AMMECR1: variants seen among roughly 807,000 people sequenced by gnomAD.
AMMECR1 encodes the protein nuclear protein AMMECR1.
Under a neutral mutation model 22.5 loss-of-function variants are expected in AMMECR1, and 3 were observed. The ratio of observed to expected loss-of-function variants is 0.13; its 90% CI spans 0.06 to 0.35. The LOEUF (loss-of-function observed/expected upper bound fraction) is 0.35, where lower values mean the gene tolerates loss of function less well. AMMECR1 is among the 10% of genes least tolerant of loss of function. The pLI is 1.00. For synonymous variants in AMMECR1, 130 were observed against 116.7 expected (o/e 1.11, Z -0.74); for missense variants, 235 against 278.7 (o/e 0.84, Z 1.12).
chrX:110,243,687 AT>A, intron 2 of AMMECR1, among the ~76,000 whole-genome samples: 1 of 112,323 alleles, frequency 8.9e-6, no homozygotes, highest in Non-Finnish European at 1.9e-5. Flanking sequence ...CACAAAATGT[AT>A]TTTTGGTTAG....
intron 2 of AMMECR1, among the ~76,000 whole-genome samples, chrX:110,350,013 C>A (rs1474298028): frequency 8.9e-6 from 1 of 112,078 alleles, no homozygotes; most frequent in Admixed American, 9.5e-5. Context: ...TAAATAAAGT[C>A]ATGGCTCAAA....
At chrX:110,414,091 T>A (rs992480013) in intron 2 of AMMECR1, among the ~76,000 whole-genome samples, 2 of 111,855 alleles carry the variant, frequency 1.8e-5, no homozygotes, top group Non-Finnish European at 3.8e-5. Context: ...CCTGTGTCTT[T>A]CTGCTGCATC....
At chrX:110,218,008 A>T (rs2067482614) in intron 2 of AMMECR1, among the ~76,000 whole-genome samples, 1 of 111,565 alleles carries the variant, frequency 9.0e-6, no homozygotes, top group African/African-American at 3.3e-5. Flanking sequence ...AACCAAGAAA[A>T]TCAGGAAATC....
chrX:110,310,097 G>T (rs1226449252), intron 1 of AMMECR1, among the ~76,000 whole-genome samples: 2 of 112,518 alleles, frequency 1.8e-5, no homozygotes, highest in Admixed American at 1.9e-4. Context: ...GTCACAAAGT[G>T]GGGGAGTGAT....
At chrX:110,404,270 T>C (rs2068583491) in intron 2 of AMMECR1, among the ~76,000 whole-genome samples, 1 of 111,765 alleles carries the variant, frequency 8.9e-6, no homozygotes, top group African/African-American at 3.3e-5. Flanking sequence ...CCCTTAATCG[T>C]CTTCATTGCT....
intron 1 of AMMECR1, among the ~76,000 whole-genome samples, chrX:110,272,867 T>A (rs1380825922): frequency 8.9e-6 from 1 of 112,323 alleles, no homozygotes; most frequent in African/African-American, 3.2e-5. Flanking sequence ...CTGCATTGTA[T>A]TTCATGGTGC....
chrX:110,259,538 C>A (rs2067727847), intron 2 of AMMECR1, among the ~76,000 whole-genome samples: 1 of 109,767 alleles, frequency 9.1e-6, no homozygotes, highest in African/African-American at 3.3e-5. Flanking sequence ...AGAAATAGAT[C>A]TGCATTTTGC....
chrX:110,206,272 A>T (rs1480811244), intron 3 of AMMECR1, among the ~76,000 whole-genome samples: 2 of 112,403 alleles, frequency 1.8e-5, no homozygotes, highest in Non-Finnish European at 3.8e-5. Context: ...AATGGCTAAA[A>T]TTAAGCTTTG....
intron 3 of AMMECR1, among the ~76,000 whole-genome samples, chrX:110,212,059 C>T (rs993383222): frequency 8.9e-6 from 1 of 112,111 alleles, no homozygotes; most frequent in African/African-American, 3.2e-5. Context: ...ACATCCCTCA[C>T]ATTATCAAAC....
chrX:110,378,567 C>A (rs1426679190), intron 2 of AMMECR1, among the ~76,000 whole-genome samples: 1 of 112,313 alleles, frequency 8.9e-6, no homozygotes, highest in Non-Finnish European at 1.9e-5. Context: ...TTTCTAGCTT[C>A]TTTCCCATTA....
intron 3 of AMMECR1, among the ~76,000 whole-genome samples, chrX:110,213,764 AG>A (rs981425400): frequency 4.5e-5 from 5 of 111,647 alleles, no homozygotes; most frequent in African/African-American, 1.6e-4. Flanking sequence ...TCAATCACTG[AG>A]TAAGGTACAT....
In AMMECR1 at chrX:110,194,923, T is replaced by C. The variant is rs1312234452; in HGVS notation, c.*3597A>G. 9.0e-6 allele frequency: 1 copy of C among 111,647 alleles called. No individual in the cohort carries two copies. The highest frequency in any genetic ancestry group is 1.9e-5 in the Non-Finnish European group (1 of 53,068). The allele number at this position is 111,647 out of a possible 1,213,427, so 9.2% of individuals were successfully genotyped here. A position where few individuals can be genotyped will look rare whatever the true frequency, so the allele number is the denominator to read the frequency against. ...CACCAGTTTATTTAAATGGAGGAGG[T>C]GCTCACACCCCTCAAATAAACTTAA... On this transcript the variant is annotated 3_prime_UTR_variant, in exon 6 of 6. Coordinates refer to ENST00000262844, the MANE Select transcript of AMMECR1 (RefSeq NM_015365.3).
intron 3 of AMMECR1, among the ~76,000 whole-genome samples, chrX:110,209,866 GC>G (rs767541562): frequency 2.8e-5 from 3 of 106,493 alleles, no homozygotes; most frequent in Non-Finnish European, 5.7e-5. Flanking sequence ...TTAATTAAAT[GC>G]TGGGGACACA....
intron 2 of AMMECR1, among the ~76,000 whole-genome samples, chrX:110,336,036 G>T: frequency 8.9e-6 from 1 of 112,015 alleles, no homozygotes; most frequent in Non-Finnish European, 1.9e-5. Context: ...GTTGGATGAT[G>T]AAGATCAGTA....
At position 110,432,037 on chromosome X, in the gene AMMECR1, A is replaced by C. The variant is rs1188595678; in HGVS notation, c.-293-5234T>G. ...TTGGGGAGGGTTTATGTGTTTATTC[A>C]CCCATTCATTTATTCAACATTTCTT... On this transcript the variant is annotated intron_variant, in intron 1 of 7. Transcript: ENST00000372057. Among the ~76,000 whole-genome samples, 6 of 111,633 alleles carry C rather than the reference A, an allele frequency of 5.4e-5. No homozygotes were observed. In the South Asian group the frequency reaches 2.3e-3, roughly 42 times the overall value.
chrX:110,308,997 A>G (rs939093641), intron 1 of AMMECR1, among the ~76,000 whole-genome samples: 1 of 112,121 alleles, frequency 8.9e-6, no homozygotes, highest in Non-Finnish European at 1.9e-5. Context: ...AAATCAGCAC[A>G]AAGTGTTTGC....
At chrX:110,438,581 G>A (rs991498945) in intron 1 of AMMECR1, among the ~76,000 whole-genome samples, 2 of 111,394 alleles carry the variant, frequency 1.8e-5, no homozygotes, top group African/African-American at 3.3e-5. Context: ...GCAAACAGGC[G>A]GTAGTGAAGT....
intron 3 of AMMECR1, among the ~76,000 whole-genome samples, chrX:110,214,831 T>C (rs1164196507): frequency 1.8e-5 from 2 of 111,183 alleles, no homozygotes; most frequent in Admixed American, 1.9e-4. Context: ...GCTTTTCCCA[T>C]ATAATCACTC....
intron 2 of AMMECR1, among the ~76,000 whole-genome samples, chrX:110,332,481 T>G (rs1175297144): frequency 8.9e-6 from 1 of 112,206 alleles, no homozygotes; most frequent in Non-Finnish European, 1.9e-5. Flanking sequence ...TACTGCTGCT[T>G]ACTGGTGCCA....
Sources: gnomAD v4.1 joint callset for allele counts (sites outside exome capture counted in the v4.1 genomes callset) on GRCh38, gnomAD v4.1.1 for gene constraint, MANE v1.5 for transcripts, NCBI Gene and HGNC (gene_info 2026-07-23, HGNC 2026-07-21) for gene names.